CREM: variants seen among roughly 807,000 people sequenced by gnomAD.
CREM encodes the protein cAMP responsive element modulator, also known as cAMP-responsive element modulator.
In CREM, 13 loss-of-function variants were observed where a neutral mutation model predicts 37.3. The observed-to-expected ratio is 0.35, with a 90% confidence interval of 0.23 to 0.55. CREM has a LOEUF of 0.55. Among genes scored for constraint, CREM ranks in the 20% least tolerant of loss-of-function variants. The probability of loss-of-function intolerance (pLI) is 0.88; values close to 1 mark genes in which losing one functional copy is unlikely to be tolerated. For missense variants in CREM, 296 were observed against 362.3 expected (o/e 0.82, Z 1.49); for synonymous variants, 124 against 120.2 (o/e 1.03, Z -0.21).
intron 5 of CREM, among the ~76,000 whole-genome samples, chr10:35,185,636 G>A (rs984810686): frequency 2.0e-5 from 3 of 152,096 alleles, no homozygotes; most frequent in African/African-American, 7.2e-5. Context: ...TTACTATGAG[G>A]GCTGAATCCT....
Position 35,154,357 on chromosome 10 carries a change from G to A in CREM, c.168+5866G>A, listed in dbSNP as rs550814329. The A allele has an allele frequency of 3.4e-5, 11 of 324,312 alleles. No individual in the cohort carries two copies. In the East Asian group the frequency reaches 4.7e-4, roughly 14 times the overall value. The allele number at this position is 324,312 out of a possible 1,614,324, so 20.1% of individuals were successfully genotyped here. ...AACATTTTCTCTTGTTAATAGGTTAGCAACCTCATATTTGTATATTAAAGA... is the reference window on the plus strand; with the variant it reads ...AACATTTTCTCTTGTTAATAGGTTAACAACCTCATATTTGTATATTAAAGA... On this transcript the variant is annotated intron_variant, in intron 3 of 7. Coordinates refer to ENST00000685392, the MANE Select transcript of CREM (RefSeq NM_183011.2).
rs141098710 is a variant in CREM at position 35,195,622 on chromosome 10, G to C, written c.598+7234G>C. ...AATCTAGCCGCAGATTAAACATACAGTATATACCGTTCATGTTCTGATTTC... is the reference window on the plus strand; with the variant it reads ...AATCTAGCCGCAGATTAAACATACACTATATACCGTTCATGTTCTGATTTC... On this transcript the variant is annotated intron_variant, in intron 6 of 7. Transcript: ENST00000685392. 2.8e-4 allele frequency among the ~76,000 whole-genome samples: 42 copies of C among 152,184 alleles called. No individual in the cohort carries two copies. The East Asian group carries it at 7.3e-3, about 27-fold the overall frequency.
intron 3 of CREM, among the ~76,000 whole-genome samples, chr10:35,165,186 T>TC (rs1490781105): frequency 3.3e-5 from 5 of 152,162 alleles, no homozygotes; most frequent in Admixed American, 2.0e-4. Flanking sequence ...AGTATCTGCT[T>TC]CTAGGGAAGC....
intron 3 of CREM, among the ~76,000 whole-genome samples, chr10:35,172,297 G>A (rs185358858): frequency 7.1e-4 from 108 of 152,340 alleles, no homozygotes; most frequent in African/African-American, 2.4e-3. Flanking sequence ...AAGCCAGGGT[G>A]TAGGGGCTAG....
intron 1 of CREM, among the ~76,000 whole-genome samples, chr10:35,134,039 C>T (rs922383499): frequency 6.6e-6 from 1 of 150,418 alleles, no homozygotes; most frequent in African/African-American, 2.4e-5. Flanking sequence ...TTAACCACAG[C>T]AGGTAAAAGT....
At chr10:35,184,529 A>G (rs2094472683) in intron 5 of CREM, among the ~76,000 whole-genome samples, 1 of 152,226 alleles carries the variant, frequency 6.6e-6, no homozygotes, top group African/African-American at 2.4e-5. Flanking sequence ...CAAAATCAAG[A>G]GCACCTTTGG....
At chr10:35,137,082 G>A (rs1264767010) in intron 1 of CREM, among the ~76,000 whole-genome samples, 2 of 152,122 alleles carry the variant, frequency 1.3e-5, no homozygotes, top group African/African-American at 4.8e-5. Context: ...CCGCAGTGCT[G>A]GGATTACAGG....
intron 6 of CREM, 105 bp downstream of exon 6, chr10:35,188,493 G>T (rs2094752276): frequency 9.9e-7 from 1 of 1,012,950 alleles, no homozygotes; most frequent in East Asian, 2.9e-5. Context: ...GGTAGATGGT[G>T]GGGGGTTGGG....
chr10:35,148,317 A>G (rs762868296), intron 2 of CREM, 51 bp from the exon 3 acceptor site: 45 of 1,547,390 alleles, frequency 2.9e-5, no homozygotes, highest in Non-Finnish European at 3.8e-5. Flanking sequence ...CTGTATTTCC[A>G]AATACTTAAG....
intron 7 of CREM, 136 bp from the exon 8 acceptor site, chr10:35,211,118 T>C: frequency 2.6e-6 from 2 of 770,164 alleles, no homozygotes; most frequent in Admixed American, 6.6e-5. Context: ...TGCCTGGTTA[T>C]GTTTGTTATG....
chr10:35,168,099 C>A (rs2093638813), intron 3 of CREM, among the ~76,000 whole-genome samples: 1 of 152,136 alleles, frequency 6.6e-6, no homozygotes, highest in Admixed American at 6.5e-5. Context: ...ATTTATAATC[C>A]TTTGGGTATA....
At chr10:35,151,316 A>C (rs551604469) in intron 3 of CREM, among the ~76,000 whole-genome samples, 1 of 152,014 alleles carries the variant, frequency 6.6e-6, no homozygotes, top group Non-Finnish European at 1.5e-5. Flanking sequence ...CTGTTTTTCT[A>C]TTTTATATTG....
chr10:35,179,347 A>G, intron 5 of CREM, 71 bp downstream of exon 5: 1 of 1,547,408 alleles, frequency 6.5e-7, no homozygotes, highest in Admixed American at 1.9e-5. Flanking sequence ...GAAGCAACTC[A>G]GGTTTTGGCA....
intron 3 of CREM, among the ~76,000 whole-genome samples, chr10:35,159,501 G>T (rs900559158): frequency 6.6e-6 from 1 of 152,154 alleles, no homozygotes; most frequent in East Asian, 1.9e-4. Flanking sequence ...TTTAATAAAT[G>T]ATGTTGGGAA....
At chr10:35,149,153 A>G (rs982992130) in intron 3 of CREM, among the ~76,000 whole-genome samples, 6 of 152,328 alleles carry the variant, frequency 3.9e-5, no homozygotes, top group Non-Finnish European at 7.3e-5. Context: ...GTAAGATACT[A>G]TGTAGAAAAT....
At chr10:35,150,970 G>A (rs573964186) in intron 3 of CREM, among the ~76,000 whole-genome samples, 1 of 152,188 alleles carries the variant, frequency 6.6e-6, no homozygotes, top group South Asian at 2.1e-4. Context: ...AATTGAATAG[G>A]AGACCAGTGG....
intron 2 of CREM, among the ~76,000 whole-genome samples, chr10:35,139,360 T>C (rs1589299357): frequency 2.0e-5 from 3 of 152,308 alleles, no homozygotes; most frequent in Admixed American, 2.0e-4. Flanking sequence ...CCTCAGGTGA[T>C]CCACCTGCCT....
intron 6 of CREM, among the ~76,000 whole-genome samples, chr10:35,200,301 A>G (rs2095345848): frequency 6.6e-6 from 1 of 152,178 alleles, no homozygotes; most frequent in Non-Finnish European, 1.5e-5. Flanking sequence ...TTTTATATAG[A>G]CTGACTTATA....
chr10:35,199,839 A>G (rs2095330065), intron 6 of CREM, among the ~76,000 whole-genome samples: 2 of 151,306 alleles, frequency 1.3e-5, no homozygotes, highest in South Asian at 4.2e-4. Flanking sequence ...TGCTTATAAA[A>G]CATATAAAAT....
Sources: gnomAD v4.1 joint callset for allele counts (sites outside exome capture counted in the v4.1 genomes callset) on GRCh38, gnomAD v4.1.1 for gene constraint, MANE v1.5 for transcripts, NCBI Gene and HGNC (gene_info 2026-07-23, HGNC 2026-07-21) for gene names.